The following INPP4B variants were observed in gnomAD, a reference collection of about 807,000 sequenced individuals.
The protein encoded by INPP4B is inositol polyphosphate-4-phosphatase type II B.
Under a neutral mutation model 122.5 loss-of-function variants are expected in INPP4B, and 55 were observed. The observed-to-expected ratio is 0.45, with a 90% CI of 0.36 to 0.56. The LOEUF is 0.56. Among genes scored for constraint, INPP4B ranks in the 20% least tolerant of loss-of-function variants. INPP4B has a pLI of 0.00. For missense variants in INPP4B, 1,000 were observed against 1,097.7 expected, an observed-to-expected ratio of 0.91 and a Z score of 1.26; for synonymous variants, 403 against 388.7, an observed-to-expected ratio of 1.04 and a Z score of -0.43.
At chr4:142,807,353 C>A (rs1159808026) in intron 1 of INPP4B, among the ~76,000 whole-genome samples, 1 of 151,998 alleles carries the variant, frequency 6.6e-6, no homozygotes, top group African/African-American at 2.4e-5. Flanking sequence ...ATTGCATGTG[C>A]AAACTAATAA....
At chr4:142,693,210 C>A (rs981500902) in intron 2 of INPP4B, among the ~76,000 whole-genome samples, 6 of 151,720 alleles carry the variant, frequency 4.0e-5, no homozygotes, top group African/African-American at 9.7e-5. Flanking sequence ...AAAAAATTAA[C>A]CTTGGTATGT....
intron 2 of INPP4B, among the ~76,000 whole-genome samples, chr4:142,600,303 G>A (rs80263513): frequency 0.048 from 7,305 of 152,180 alleles, 250 homozygotes; most frequent in South Asian, 0.074. Flanking sequence ...TACAGGACAG[G>A]AGAGAATGGG....
intron 5 of INPP4B, among the ~76,000 whole-genome samples, chr4:142,407,865 G>T (rs1207384447): frequency 6.6e-6 from 1 of 151,996 alleles, no homozygotes; most frequent in Non-Finnish European, 1.5e-5. Context: ...TGAGGAAATT[G>T]GGCCTTTTTA....
At chr4:142,041,674 A>G (rs1245339834) in intron 25 of INPP4B, among the ~76,000 whole-genome samples, 1 of 152,166 alleles carries the variant, frequency 6.6e-6, no homozygotes, top group African/African-American at 2.4e-5. Context: ...TCCTGTGCCA[A>G]ATCTCAGTTC....
intron 1 of INPP4B, among the ~76,000 whole-genome samples, chr4:142,792,080 T>G (rs1776625082): frequency 6.6e-6 from 1 of 152,066 alleles, no homozygotes; most frequent in South Asian, 2.1e-4. Context: ...AATGGGATAT[T>G]TTCTTTTAAA....
intron 2 of INPP4B, among the ~76,000 whole-genome samples, chr4:142,716,103 C>CTTA (rs1763722973): frequency 6.6e-6 from 1 of 152,124 alleles, no homozygotes. Context: ...TTCTCCAGTG[C>CTTA]TTAACACAGC....
intron 2 of INPP4B, among the ~76,000 whole-genome samples, chr4:142,479,594 A>G (rs1820243834): frequency 6.6e-6 from 1 of 152,162 alleles, no homozygotes; most frequent in Non-Finnish European, 1.5e-5. Flanking sequence ...GATAAAGAAA[A>G]TATGGTACAT....
At chr4:142,614,168 G>C (rs1208775165) in intron 2 of INPP4B, among the ~76,000 whole-genome samples, 4 of 152,064 alleles carry the variant, frequency 2.6e-5, no homozygotes, top group Non-Finnish European at 2.9e-5. Context: ...GTTTGCAGTA[G>C]GCGAAGGCCA....
At chr4:142,207,335 T>C (rs1237323084) in intron 14 of INPP4B, among the ~76,000 whole-genome samples, 2 of 152,144 alleles carry the variant, frequency 1.3e-5, no homozygotes, top group Non-Finnish European at 2.9e-5. Flanking sequence ...TATCGTAGCT[T>C]TACTTTTAGT....
chr4:142,321,183 A>C (rs1200175098), intron 7 of INPP4B, among the ~76,000 whole-genome samples: 1 of 152,108 alleles, frequency 6.6e-6, no homozygotes, highest in African/African-American at 2.4e-5. Flanking sequence ...AGGTGACATC[A>C]CATTGTAGTT....
chr4:142,811,722 A>C (rs1779540031), intron 1 of INPP4B, among the ~76,000 whole-genome samples: 1 of 152,150 alleles, frequency 6.6e-6, no homozygotes, highest in African/African-American at 2.4e-5. Context: ...GTGTACATTG[A>C]TTTTTATAAC....
intron 2 of INPP4B, among the ~76,000 whole-genome samples, chr4:142,717,664 G>A (rs1367607749): frequency 6.6e-6 from 1 of 152,038 alleles, no homozygotes; most frequent in African/African-American, 2.4e-5. Flanking sequence ...ACCACATGTT[G>A]TCACTCATAG....
At position 142,405,192 on chromosome 4, in the gene INPP4B, A is replaced by G. The variant is rs773294464; in HGVS notation, c.255+14T>C. The G allele has an allele frequency of 4.2e-6, 6 of 1,413,106 alleles. No individual in the cohort carries two copies. In the Admixed American group the frequency reaches 5.0e-5, roughly 12 times the overall value. 87.5% of individuals were successfully genotyped at this position (1,413,106 alleles called of 1,614,324 possible). A position where few individuals can be genotyped will look rare whatever the true frequency, so the allele number is the denominator to read the frequency against. ...GAGAGAGAGAGAGATTAATGTAGGC[A>G]CACAGCATCTCACCTCCACAATTTC... is the stretch of plus-strand genomic sequence containing the variant. On this transcript the variant is annotated intron_variant, in intron 6 of 25. Coordinates refer to ENST00000262992, the MANE Select transcript of INPP4B (RefSeq NM_001101669.3).
intron 14 of INPP4B, chr4:142,202,840 T>C: frequency 6.6e-6 from 6 of 902,750 alleles, no homozygotes; most frequent in Non-Finnish European, 8.0e-6. Context: ...TCATGCAAAC[T>C]AAGGGCAAGC....
At chr4:142,645,793 C>A (rs971728269) in intron 2 of INPP4B, among the ~76,000 whole-genome samples, 2 of 152,040 alleles carry the variant, frequency 1.3e-5, no homozygotes, top group African/African-American at 4.8e-5. Context: ...TTCTTTTTTC[C>A]CCCCAAAATG....
chr4:142,277,929 G>A (rs906060603), intron 9 of INPP4B, among the ~76,000 whole-genome samples: 1 of 151,904 alleles, frequency 6.6e-6, no homozygotes, highest in Non-Finnish European at 1.5e-5. Flanking sequence ...AGGGGAGTGA[G>A]TGGTAAAAGA....
At chr4:142,638,274 T>G (rs1418963555) in intron 2 of INPP4B, among the ~76,000 whole-genome samples, 1 of 152,202 alleles carries the variant, frequency 6.6e-6, no homozygotes, top group Non-Finnish European at 1.5e-5. Context: ...TCACCATACC[T>G]AAGTTCTAGG....
At chr4:142,631,324 G>T (rs1358053518) in intron 2 of INPP4B, among the ~76,000 whole-genome samples, 1 of 152,076 alleles carries the variant, frequency 6.6e-6, no homozygotes, top group African/African-American at 2.4e-5. Context: ...GGGTTTAAAA[G>T]CAAAATAGCA....
At chr4:142,579,141 C>T (rs1734470567) in intron 2 of INPP4B, among the ~76,000 whole-genome samples, 2 of 151,814 alleles carry the variant, frequency 1.3e-5, no homozygotes, top group Admixed American at 1.3e-4. Flanking sequence ...TTCATACAGC[C>T]AACATTTAAA....
Sources: gnomAD v4.1 joint callset for allele counts (sites outside exome capture counted in the v4.1 genomes callset) on GRCh38, gnomAD v4.1.1 for gene constraint, MANE v1.5 for transcripts, NCBI Gene and HGNC (gene_info 2026-07-23, HGNC 2026-07-21) for gene names.